The following ZNF331 variants were observed in gnomAD, a reference collection of about 807,000 sequenced individuals.
The protein encoded by ZNF331 is zinc finger protein 331.
A neutral mutation model predicts 7.0 loss-of-function variants in ZNF331; 2 were observed. That is an observed-to-expected ratio of 0.29 (90% CI 0.12 to 0.90). The LOEUF is 0.90. Ranked by LOEUF, ZNF331 falls within the 40% of genes least tolerant of loss-of-function variation. ZNF331 has a pLI of 0.58. For missense variants in ZNF331, 432 were observed against 587.7 expected (o/e 0.74, Z 2.74); for synonymous variants, 196 against 205.4 (o/e 0.95, Z 0.39).
chr19:53,555,241 G>A (rs375727652), intron 2 of ZNF331: 4 of 126,012 alleles, frequency 3.2e-5, no homozygotes, highest in Non-Finnish European at 7.3e-5. Context: ...GCTGGGATGG[G>A]TGATCGGGCC....
chr19:53,571,669 T>C lies in ZNF331; in HGVS notation c.75T>C (p.Ser25=), dbSNP rs754360847. 6.2e-7 allele frequency: 1 copy of C among 1,614,148 alleles called. No individual in the cohort carries two copies. Among genetic ancestry groups the C allele is most frequent in the Admixed American group, 1.7e-5 (1 of 60,012 alleles). The change falls in exon 5 of 6, where the codon TCT becomes TCC. Residue 25 remains serine, a synonymous_variant. Transcript: ENST00000449416. This position sits in a 1 kb window ranked among gnomAD's most constrained non-coding sequence, Gnocchi z 4.7. ...AGGAGGAGTGGGCCTGTCTGAACTC[T>C]GCTCAGAGGGACCTGTACTGGGACG... ...FSQEEWACLN[S]AQRDLYWDVM...
At chr19:53,556,047 A>G (rs2089385152) in intron 3 of ZNF331, 139 bp downstream of exon 3, 1 of 151,900 alleles carries the variant, frequency 6.6e-6, no homozygotes, top group Admixed American at 6.6e-5. Context: ...GATCGAGACC[A>G]TCCTGGCTAA....
chr19:53,570,251 G>GCT (rs2090372588), intron 4 of ZNF331, among the ~76,000 whole-genome samples: 1 of 35,866 alleles, frequency 2.8e-5, no homozygotes, highest in African/African-American at 1.1e-4. Context: ...GCAAGACTCT[G>GCT]TCTCAAAAAA....
intron 5 of ZNF331, among the ~76,000 whole-genome samples, chr19:53,572,452 C>T (rs1019206559): frequency 1.3e-5 from 2 of 151,506 alleles, no homozygotes; most frequent in Admixed American, 6.6e-5. Flanking sequence ...ATGATCATAC[C>T]ACTGTACTCC....
In ZNF331 at chr19:53,579,256, C is replaced by T. The variant is rs2090842272; in HGVS notation, c.*1304C>T. ...ATACATAAAGACTACCAGTACCATT[C>T]TGTCTTTACTCCGTGGCATCTGTGG... On this transcript the variant is annotated 3_prime_UTR_variant, in exon 6 of 6. Transcript: ENST00000449416. 1 of 215,070 alleles carries T rather than the reference C, an allele frequency of 4.6e-6. No homozygotes were observed. Among genetic ancestry groups the T allele is most frequent in the Non-Finnish European group, 9.4e-6 (1 of 106,546 alleles). 13.3% of individuals were successfully genotyped at this position (215,070 alleles called of 1,614,324 possible).
chr19:53,513,652 G>A, the ZNF331 span, among the ~76,000 whole-genome samples: 2 of 91,492 alleles, frequency 2.2e-5, no homozygotes, highest in Non-Finnish European at 4.4e-5. Context: ...ACTTTTTTTC[G>A]TTGTTGTTGT....
At chr19:53,564,261 T>C (rs1368067157) in intron 3 of ZNF331, among the ~76,000 whole-genome samples, 1 of 151,590 alleles carries the variant, frequency 6.6e-6, no homozygotes, top group Non-Finnish European at 1.5e-5. Flanking sequence ...GTCCAGATTA[T>C]ACGTACCTTT....
chr19:53,565,395 A>T (rs1479398580), intron 3 of ZNF331, among the ~76,000 whole-genome samples: 2 of 152,068 alleles, frequency 1.3e-5, no homozygotes. Flanking sequence ...GGGTCTTGCT[A>T]TGTTGCCCAG....
chr19:53,530,531 T>C (rs1168280526), intron 2 of ZNF331, among the ~76,000 whole-genome samples: 1 of 152,244 alleles, frequency 6.6e-6, no homozygotes, highest in African/African-American at 2.4e-5. Flanking sequence ...TTTCTAATAA[T>C]GTTTGATGCA....
At chr19:53,550,527 G>GTTTTTTTTTTTTT (rs2088914701) in intron 2 of ZNF331, among the ~76,000 whole-genome samples, 1 of 63,526 alleles carries the variant, frequency 1.6e-5, no homozygotes, top group Admixed American at 1.8e-4. Context: ...AGTCTATTTT[G>GTTTTTTTTTTTTT]TCTTTTTTTT....
intron 3 of ZNF331, among the ~76,000 whole-genome samples, chr19:53,564,066 C>T (rs1387271233): frequency 7.8e-6 from 1 of 128,948 alleles, no homozygotes; most frequent in Admixed American, 8.4e-5. Context: ...GAGCACAGAG[C>T]CTGCATTCTT....
Position 53,579,452 on chromosome 19 carries a change from T to C in ZNF331, c.*1500T>C. ...TATGTGCATTATTTGTACATAAGGA[T>C]AATCACATCTACCTGAGACTGCTAT... On this transcript the variant is annotated 3_prime_UTR_variant, in exon 6 of 6. Transcript: ENST00000449416. 1 of 209,530 alleles carries C rather than the reference T, an allele frequency of 4.8e-6. No individual in the cohort carries two copies. Among genetic ancestry groups the C allele is most frequent in the African/African-American group, 2.3e-5 (1 of 44,086 alleles). The allele number at this position is 209,530 out of a possible 1,614,324, so 13.0% of individuals were successfully genotyped here. A position where few individuals can be genotyped will look rare whatever the true frequency, so the allele number is the denominator to read the frequency against.
At chr19:53,563,292 TG>T (rs2089989321) in intron 3 of ZNF331, among the ~76,000 whole-genome samples, 1 of 151,994 alleles carries the variant, frequency 6.6e-6, no homozygotes, top group Non-Finnish European at 1.5e-5. Flanking sequence ...TTCACCATGT[TG>T]GGCAGGCTGG....
the ZNF331 span, among the ~76,000 whole-genome samples, chr19:53,507,493 A>G: frequency 6.6e-6 from 1 of 152,176 alleles, no homozygotes; most frequent in Non-Finnish European, 1.5e-5. Context: ...ATCAAGATCT[A>G]TCATCGGTGA....
rs1183452177 is a variant in ZNF331 at position 53,543,582 on chromosome 19, T to TA, written c.-138+4305dup. On this transcript the variant is annotated intron_variant, in intron 2 of 5. Coordinates refer to ENST00000449416, the MANE Select transcript of ZNF331 (RefSeq NM_001079906.2). ...ACGCCCAGCCTTATTATGAATTTTT[T>TA]AAAAATAAAAACTATAAAAAGAAAA... is the stretch of plus-strand genomic sequence containing the variant. Among the ~76,000 whole-genome samples the TA allele has an allele frequency of 2.6e-5, 4 of 152,074 alleles. No individual in the cohort carries two copies. The East Asian group carries it at 7.7e-4, about 29-fold the overall frequency.
upstream of ZNF331, among the ~76,000 whole-genome samples, chr19:53,535,010 C>A (rs2087687415): frequency 9.5e-6 from 1 of 105,760 alleles, no homozygotes. Flanking sequence ...TTAATGAAAG[C>A]CTGTAACCAA....
At chr19:53,520,396 G>C (rs2569580), upstream of ZNF331, among the ~76,000 whole-genome samples, 2,007 of 152,220 alleles carry the variant, frequency 0.013, 40 homozygotes, top group African/African-American at 0.045. Flanking sequence ...CCCTATGGAC[G>C]GATCCCAAAT....
intron 2 of ZNF331, among the ~76,000 whole-genome samples, chr19:53,553,152 AATTT>A (rs1200845667): frequency 1.3e-5 from 2 of 152,140 alleles, no homozygotes; most frequent in Non-Finnish European, 1.5e-5. Context: ...ATAACAGACT[AATTT>A]ATTTATTCTG....
chr19:53,535,578 G>A (rs1377196016), upstream of ZNF331, among the ~76,000 whole-genome samples: 2 of 152,148 alleles, frequency 1.3e-5, no homozygotes, highest in South Asian at 4.2e-4. Context: ...CCCAACCACG[G>A]GTCACATTAT....
Sources: gnomAD v4.1 joint callset for allele counts (sites outside exome capture counted in the v4.1 genomes callset) on GRCh38, gnomAD v4.1.1 for gene constraint, Gnocchi (gnomAD v3.1) non-coding constraint, MANE v1.5 for transcripts, NCBI Gene and HGNC (gene_info 2026-07-23, HGNC 2026-07-21) for gene names.